Variants in P3H1 observed in about 807,000 individuals in gnomAD.
The protein encoded by P3H1 is prolyl 3-hydroxylase 1, also known as growth suppressor 1.
P3H1 carries 69 observed loss-of-function variants against 84.0 expected under a neutral mutation model. That is an observed-to-expected ratio of 0.82 (90% CI 0.68 to 1.00). The LOEUF (loss-of-function observed/expected upper bound fraction) is 1.00. P3H1 is among the 50% of genes least tolerant of loss of function. The pLI, the probability that P3H1 is intolerant of heterozygous loss-of-function variation, is 0.00. For synonymous variants in P3H1, 366 were observed against 388.8 expected (o/e 0.94, Z 0.69); for missense variants, 878 against 962.8 (o/e 0.91, Z 1.17).
intron 8 of P3H1, among the ~76,000 whole-genome samples, chr1:42,752,878 T>C (rs1481160643): frequency 2.6e-5 from 4 of 152,088 alleles, no homozygotes; most frequent in African/African-American, 4.8e-5. Flanking sequence ...CATGACCAAA[T>C]AGCTGCTGGC....
chr1:42,747,901 T>C (rs1651820358), intron 12 of P3H1, 103 bp from the exon 13 acceptor site: 9 of 1,106,774 alleles, frequency 8.1e-6, no homozygotes, highest in Middle Eastern at 4.8e-4. Flanking sequence ...GGTGGCTTTG[T>C]GTGGGAGGGA....
intron 2 of P3H1, 60 bp from the exon 3 acceptor site, chr1:42,759,450 C>T: frequency 6.8e-7 from 1 of 1,467,028 alleles, no homozygotes; most frequent in Non-Finnish European, 9.5e-7. Context: ...CTCTCCTTGC[C>T]CTCAGCCACC....
In P3H1 at chr1:42,748,211, G is replaced by C; in HGVS notation, c.1827C>G (p.Phe609Leu). The C allele has an allele frequency of 3.1e-6, 5 of 1,613,492 alleles. No homozygotes were observed. The highest frequency in any genetic ancestry group is 3.4e-6 in the Non-Finnish European group (4 of 1,179,774). ...TGCCCCGCACTCACCTGTAGTCGCG[G>C]AAGGTGTAGGCTGGGGGCTCTTTGA... Reference protein sequence around the residue: ...VCVKEPPAYTFRDYSAILYLN... With the variant: ...VCVKEPPAYTLRDYSAILYLN... Residue 609 changes from phenylalanine (F) to leucine (L), a missense_variant, in exon 12 of 15, where the codon TTC becomes TTG. Physicochemically the swap from Phe to Leu is conservative, Grantham distance 22. Coordinates refer to ENST00000296388, the MANE Select transcript of P3H1 (RefSeq NM_022356.4).
At chr1:42,762,035 A>G (rs1222607391) in intron 2 of P3H1, 1 of 332,026 alleles carries the variant, frequency 3.0e-6, no homozygotes, top group Non-Finnish European at 5.6e-6. Context: ...TTTTTATTTT[A>G]TACTTACCTA....
At chr1:42,750,390 T>C in intron 10 of P3H1, 54 bp from the exon 11 acceptor site, 1 of 1,602,290 alleles carries the variant, frequency 6.2e-7, no homozygotes, top group Admixed American at 1.7e-5. Flanking sequence ...GGTTTGGCTC[T>C]GTGTCCCTAC....
At position 42,754,927 on chromosome 1, in the gene P3H1, C is replaced by T; in HGVS notation, c.1287G>A (p.Glu429=). The T allele has an allele frequency of 6.2e-7, 1 of 1,614,210 alleles. No individual in the cohort carries two copies. The highest frequency in any genetic ancestry group is 1.1e-5 in the South Asian group (1 of 91,088). ...CCTTGGTCTTCTCTTCCACAAGGGT[C>T]TCGATTTCCTTCATAAGGTTCCCAA... The part of the protein sequence containing the change: ...QEIGNLMKEI[E]TLVEEKTKES... Residue 429 remains glutamate (E), a synonymous_variant, in exon 8 of 15, where the codon GAG becomes GAA. Coordinates refer to ENST00000296388, the MANE Select transcript of P3H1 (RefSeq NM_022356.4). The surrounding 1 kb of genome is among the most constrained non-coding windows in gnomAD (Gnocchi z 4.0).
At chr1:42,757,658 G>A in intron 5 of P3H1, 125 bp downstream of exon 5, 1 of 1,377,362 alleles carries the variant, frequency 7.3e-7, no homozygotes, top group Non-Finnish European at 1.0e-6. Context: ...CTCACATCTG[G>A]CCCCAACACT....
Position 42,755,226 on chromosome 1 carries a change from G to A in P3H1, c.1171-9C>T. ...TCTGGAGTCCATGAATCCTAAGTAG[G>A]TCAGGAAGAAATGAAAAAGGTAAGA... On this transcript the variant is annotated splice_polypyrimidine_tract_variant and intron_variant, in intron 6 of 14. Transcript: ENST00000296388. 1 of 1,613,166 alleles carries A rather than the reference G, an allele frequency of 6.2e-7. No individual in the cohort carries two copies. Among genetic ancestry groups the A allele is most frequent in the Non-Finnish European group, 8.5e-7 (1 of 1,179,142 alleles).
chr1:42,758,976 G>C lies in P3H1; in HGVS notation c.816C>G (p.Tyr272Ter). ...ADLFQAITDH[Y>*]IQVLNCKQNC... ...TCTGCTTACAGTTGAGGACCTGGAT[G>C]TAATGATCTGAAAGGAATCAAACAG... The change falls in exon 4 of 15, where the codon TAC becomes TAG. Residue 272 changes from tyrosine to a stop codon, truncating the protein, a stop_gained. Transcript: ENST00000296388. LOFTEE classifies it high-confidence loss of function. The C allele has an allele frequency of 1.9e-6, 3 of 1,614,200 alleles. No homozygotes were observed. The highest frequency in any genetic ancestry group is 2.5e-6 in the Non-Finnish European group (3 of 1,180,020).
chr1:42,763,477 G>T (rs1184173570), intron 1 of P3H1, among the ~76,000 whole-genome samples: 1 of 151,600 alleles, frequency 6.6e-6, no homozygotes, highest in Admixed American at 6.6e-5. Context: ...TTTGAGACCA[G>T]CCTGGCCAAC....
chr1:42,750,270 G>C lies in P3H1; in HGVS notation c.1636C>G (p.Arg546Gly). ...CGGAAGTAGGACTCCATGATGCGCC[G>C]CACCTTCTCCGTCACGTTGTAGTAC... ...HLYYNVTEKV[R>G]RIMESYFRLD... Residue 546 changes from arginine to glycine, a missense_variant, in exon 11 of 15, where the codon CGG becomes GGG. Coordinates refer to ENST00000296388, the MANE Select transcript of P3H1 (RefSeq NM_022356.4). The C allele has an allele frequency of 6.2e-7, 1 of 1,613,826 alleles. No individual in the cohort carries two copies. The highest frequency in any genetic ancestry group is 8.5e-7 in the Non-Finnish European group (1 of 1,179,934).
rs1242071840 is a variant in P3H1 at position 42,750,654 on chromosome 1, G to GC, written c.1570-319_1570-318insG. Among the ~76,000 whole-genome samples the GC allele has an allele frequency of 1.5e-4, 19 of 129,762 alleles. 7 individuals carry two copies. The highest frequency in any genetic ancestry group is 5.0e-4 in the African/African-American group (15 of 29,986). 85.1% of individuals were successfully genotyped at this position (129,762 alleles called of 152,430 possible). A position where few individuals can be genotyped will look rare whatever the true frequency, so the allele number is the denominator to read the frequency against. ...CACCCCGTCCGGGAGGGAGGCCGGGGGGGGTGGTCGGCCAGCCGCCCCGTC... is the reference window on the plus strand; with the variant it reads ...CACCCCGTCCGGGAGGGAGGCCGGGGCGGGGTGGTCGGCCAGCCGCCCCGTC... On this transcript the variant is annotated intron_variant, in intron 10 of 14. Coordinates refer to ENST00000296388, the MANE Select transcript of P3H1 (RefSeq NM_022356.4).
chr1:42,752,608 C>A lies in P3H1; in HGVS notation c.1402G>T (p.Gly468Cys), dbSNP rs142844222. Residue 468 changes from glycine (G) to cysteine (C), a missense_variant, in exon 9 of 15, where the codon GGT becomes TGT. By Grantham distance (159) the Gly-to-Cys change is radical. Coordinates refer to ENST00000296388, the MANE Select transcript of P3H1 (RefSeq NM_022356.4). The stretch of plus-strand genomic sequence containing the variant: ...CCGTCCATCACCACCCGCTGGGAAC[C>A]ATTCAGGAGTTTGGAGTTCATGGTG... ...SLTMNSKLLN[G>C]SQRVVMDGVI... is the part of the protein sequence containing the mutation. The A allele has an allele frequency of 6.8e-6, 11 of 1,614,078 alleles. No homozygotes were observed. In the African/African-American group the frequency reaches 1.5e-4, roughly 22 times the overall value.
At chr1:42,760,021 G>A (rs1451440986) in intron 2 of P3H1, 1 of 87,572 alleles carries the variant, frequency 1.1e-5, no homozygotes, top group Non-Finnish European at 2.1e-5. Flanking sequence ...TTTCACTCTT[G>A]TTGCCCAGGC....
rs1400098248 is a variant in P3H1 at position 42,757,672 on chromosome 1, A to G, written c.1080+111T>C. On this transcript the variant is annotated intron_variant, in intron 5 of 14. Transcript: ENST00000296388. ...ACTCACATCTGGCCCCAACACTGACATCTGGCCCCTGCCCTGCACGCACAG... is the reference window on the plus strand; with the variant it reads ...ACTCACATCTGGCCCCAACACTGACGTCTGGCCCCTGCCCTGCACGCACAG... 5.9e-6 allele frequency: 9 copies of G among 1,516,170 alleles called. No homozygotes were observed. In the African/African-American group the frequency reaches 1.2e-4, roughly 21 times the overall value. The allele number at this position is 1,516,170 out of a possible 1,614,324, so 93.9% of individuals were successfully genotyped here.
chr1:42,752,267 A>T lies in P3H1; in HGVS notation c.1569+7T>A. 1 of 1,610,168 alleles carries T rather than the reference A, an allele frequency of 6.2e-7. No individual in the cohort carries two copies. The highest frequency in any genetic ancestry group is 8.5e-7 in the Non-Finnish European group (1 of 1,176,608). The stretch of plus-strand genomic sequence containing the variant: ...CCACACTCTAGAATGCCCAGTGTTG[A>T]TCTTACCTTGAGGGCTTTGAAGACA... On this transcript the variant is annotated splice_region_variant and intron_variant, in intron 10 of 14. Coordinates refer to ENST00000296388, the MANE Select transcript of P3H1 (RefSeq NM_022356.4).
At chr1:42,761,369 C>T (rs1413472387) in intron 2 of P3H1, 1 of 152,082 alleles carries the variant, frequency 6.6e-6, no homozygotes, top group African/African-American at 2.4e-5. Context: ...ACAGACAGTC[C>T]CTCCTTTGGA....
chr1:42,753,641 G>A (rs1280900459), intron 8 of P3H1, among the ~76,000 whole-genome samples: 1 of 152,178 alleles, frequency 6.6e-6, no homozygotes, highest in Admixed American at 6.5e-5. Flanking sequence ...AAGGCTTTAC[G>A]GCAGGGCACA....
In P3H1 at chr1:42,747,724, G is replaced by A. The variant is rs772830417; in HGVS notation, c.1913C>T (p.Thr638Met). ...GGACAAGGACAAGGGAGCACTCACC[G>A]TCACGGTCTTGGCATCCAGTTCAGT... ...YFTELDAKTV[T>M]AEVQPQCGRA... The change falls in exon 13 of 15, where the codon ACG (threonine) becomes ATG (methionine). Residue 638 changes from threonine (T) to methionine (M), a missense_variant and splice_region_variant. Physicochemically the swap from Thr to Met is moderately conservative, Grantham distance 81. Transcript: ENST00000296388. 1.5e-5 allele frequency: 25 copies of A among 1,613,992 alleles called. No individual in the cohort carries two copies. Among genetic ancestry groups the A allele is most frequent in the African/African-American group, 5.3e-5 (4 of 74,940 alleles).
Sources: gnomAD v4.1 joint callset for allele counts (sites outside exome capture counted in the v4.1 genomes callset) on GRCh38, gnomAD v4.1.1 for gene constraint, Gnocchi (gnomAD v3.1) non-coding constraint, MANE v1.5 for transcripts, NCBI Gene and HGNC (gene_info 2026-07-23, HGNC 2026-07-21) for gene names.